Variants in AGRN observed in about 807,000 individuals in gnomAD.
The protein encoded by AGRN is agrin.
A neutral mutation model predicts 211.0 loss-of-function variants in AGRN; 106 were observed. The observed-to-expected ratio is 0.50, with a 90% CI of 0.43 to 0.59. AGRN has a LOEUF of 0.59. Among genes scored for constraint, AGRN ranks in the 20% least tolerant of loss-of-function variants. The probability of loss-of-function intolerance (pLI) is 0.00; values close to 1 mark genes in which losing one functional copy is unlikely to be tolerated. For synonymous variants in AGRN, 1,525 were observed against 1,332.5 expected (o/e 1.14, Z -3.15); for missense variants, 3,040 against 2,982.6 (o/e 1.02, Z -0.45).
rs769184314 is a variant in AGRN, at chr1:1,041,972, C to G, written c.1194C>G (p.Pro398=). ...GCGTCCTAGACCAGTGCCCGGAGCC[C>G]TGCCGGTTCAATGCCGTGTGCCTGT... ...QCQGRDQCPE[P]CRFNAVCLSR... Residue 398 remains proline (P), a synonymous_variant, in exon 7 of 36, where the codon CCC becomes CCG. Transcript: ENST00000379370. The G allele has an allele frequency of 6.2e-7, 1 of 1,611,868 alleles. No individual in the cohort carries two copies. Among genetic ancestry groups the G allele is most frequent in the South Asian group, 1.1e-5 (1 of 91,072 alleles).
chr1:1,047,666 G>A lies in AGRN; in HGVS notation c.3610G>A (p.Val1204Met), dbSNP rs1346738884. Residue 1204 changes from valine to methionine, a missense_variant, in exon 21 of 36, where the codon GTG (valine) becomes ATG (methionine). Around this residue, in one of 3 missense-constraint regions of AGRN, gnomAD observed 1,537 missense variants for 1,505.0 expected, o/e 1.02. Coordinates refer to ENST00000379370, the MANE Select transcript of AGRN (RefSeq NM_198576.4). ...LGPGKSVRAI[V>M]DVHFDPTTAF... ...GCCCGGCAAATCCGTCCGCGCCATT[G>A]TGGATGTGCACTTTGACCCCAGTGA... 2 of 1,613,104 alleles carry A rather than the reference G, an allele frequency of 1.2e-6. No individual in the cohort carries two copies. The highest frequency in any genetic ancestry group is 8.5e-7 in the Non-Finnish European group (1 of 1,180,018).
Position 1,048,225 on chromosome 1 carries a change from G to A in AGRN, c.3965G>A (p.Arg1322Gln), listed in dbSNP as rs1476141378. ...GCCCCCAGCCGTGTGCCCGGACGTC[G>A]GCCCCCGGCCCCCCAGCAGCCTCCA... ...TTAPSRVPGRRPPAPQQPPKP... is the reference protein window; with the variant it reads ...TTAPSRVPGRQPPAPQQPPKP... Residue 1322 changes from arginine (R) to glutamine (Q), a missense_variant, in exon 23 of 36, where the codon CGG (arginine) becomes CAG (glutamine). Physicochemically the swap from Arg to Gln is conservative, Grantham distance 43 (BLOSUM62 1). Coordinates refer to ENST00000379370, the MANE Select transcript of AGRN (RefSeq NM_198576.4). The surrounding 1 kb of genome is among the most constrained non-coding windows in gnomAD (Gnocchi z 5.9). 12 of 1,545,076 alleles carry A rather than the reference G, an allele frequency of 7.8e-6. No individual in the cohort carries two copies. The highest frequency in any genetic ancestry group is 3.9e-5 in the Admixed American group (2 of 51,716).
chr1:1,024,365 A>G (rs1644473571), intron 2 of AGRN, among the ~76,000 whole-genome samples: 1 of 151,908 alleles, frequency 6.6e-6, no homozygotes, highest in Admixed American at 6.5e-5. Context: ...AAGGACATTG[A>G]ACCCCACCCT....
chr1:1,042,030 C>A lies in AGRN; in HGVS notation c.1252C>A (p.Arg418Ser). The A allele has an allele frequency of 6.2e-7, 1 of 1,610,314 alleles. No individual in the cohort carries two copies. The highest frequency in any genetic ancestry group is 8.5e-7 in the Non-Finnish European group (1 of 1,179,634). Residue 418 changes from arginine to serine, a missense_variant, in exon 7 of 36, where the codon CGC becomes AGC. By Grantham distance (110) the Arg-to-Ser change is moderately radical (BLOSUM62 -1). Around this residue, in one of 3 missense-constraint regions of AGRN, gnomAD observed 1,498 missense variants for 1,457.8 expected, o/e 1.03. Coordinates refer to ENST00000379370, the MANE Select transcript of AGRN (RefSeq NM_198576.4). ...RRGRPRCSCD[R>S]VTCDGAYRPV... is the part of the protein sequence containing the mutation. ...TGGCCGTCCCCGCTGCTCCTGCGAC[C>A]GCGTCACCTGTGACGGGGCCTACAG...
Position 1,043,338 on chromosome 1 carries a change from C to A in AGRN, c.1484C>A (p.Ser495Ter). The A allele has an allele frequency of 1.2e-6, 2 of 1,604,792 alleles. No individual in the cohort carries two copies. The highest frequency in any genetic ancestry group is 2.3e-5 in the East Asian group (1 of 44,278). Reference sequence around the variant, plus strand: ...GCGTGTGAATGCCTGCAGGCGTGCTCGAGCCTCTACGATCCTGTGTGCGGC... The same window carrying A: ...GCGTGTGAATGCCTGCAGGCGTGCTAGAGCCTCTACGATCCTGTGTGCGGC... ...QAACECLQAC[S>*]SLYDPVCGSD... The change falls in exon 8 of 36, where the codon TCG becomes TAG. Residue 495 changes from serine (S) to a stop codon, truncating the protein, a stop_gained. Transcript: ENST00000379370. LOFTEE classifies it high-confidence loss of function.
Position 1,054,482 on chromosome 1 carries a change from G to T in AGRN, c.5911G>T (p.Glu1971Ter). The T allele has an allele frequency of 6.2e-7, 1 of 1,601,454 alleles. No homozygotes were observed. The highest frequency in any genetic ancestry group is 2.3e-5 in the East Asian group (1 of 44,420). ...GGAAGGTTCCCTGCAGGTGGGCAATGAGGCCCCTGTGACCGGCTCCTCCCC... is the reference window on the plus strand; with the variant it reads ...GGAAGGTTCCCTGCAGGTGGGCAATTAGGCCCCTGTGACCGGCTCCTCCCC... ...QREGSLQVGNEAPVTGSSPLG... is the reference protein window; with the variant it reads ...QREGSLQVGN Residue 1971 changes from glutamate (E) to a stop codon, truncating the protein, a stop_gained, in exon 35 of 36, where the codon GAG becomes TAG. Coordinates refer to ENST00000379370, the MANE Select transcript of AGRN (RefSeq NM_198576.4). LOFTEE classifies it high-confidence loss of function.
chr1:1,021,928 G>A (rs1273793655), intron 1 of AGRN, among the ~76,000 whole-genome samples: 4 of 152,244 alleles, frequency 2.6e-5, no homozygotes, highest in South Asian at 2.1e-4. Context: ...TAGCTGATAG[G>A]GACGTTATTG....
intron 33 of AGRN, chr1:1,052,419 G>T (rs1015642171): frequency 6.5e-6 from 2 of 310,020 alleles, no homozygotes; most frequent in East Asian, 9.0e-5. Flanking sequence ...ATATGTGGGG[G>T]GGACATGTAG....
In AGRN at chr1:1,049,928, C is replaced by T. The variant is rs1401089528; in HGVS notation, c.4770C>T (p.Ser1590=). Residue 1590 remains serine (S), a synonymous_variant, in exon 27 of 36, where the codon AGC becomes AGT. Coordinates refer to ENST00000379370, the MANE Select transcript of AGRN (RefSeq NM_198576.4). ...GACCAACCTGTGCCGATGAGAAGAG[C>T]CCCTGCCAGCCCAACCCCTGCCATG... is the stretch of plus-strand genomic sequence containing the variant. ...RVGPTCADEK[S]PCQPNPCHGA... The T allele has an allele frequency of 1.9e-6, 3 of 1,611,766 alleles. No homozygotes were observed. Among genetic ancestry groups the T allele is most frequent in the African/African-American group, 1.3e-5 (1 of 74,910 alleles).
At position 1,022,389 on chromosome 1, in the gene AGRN, C is replaced by T. The variant is rs1204902840; in HGVS notation, c.390C>T (p.Asn130=). ...APPYLWPAHK[N]ELMLNSSLMR... ...CATACCTGTGGCCAGCCCACAAGAA[C>T]GAGCTGATGCTCAACTCCAGCCTCA... The change falls in exon 2 of 36, where the codon AAC becomes AAT. Residue 130 remains asparagine (N), a synonymous_variant. Coordinates refer to ENST00000379370, the MANE Select transcript of AGRN (RefSeq NM_198576.4). 9 of 1,613,406 alleles carry T rather than the reference C, an allele frequency of 5.6e-6. No individual in the cohort carries two copies. Among genetic ancestry groups the T allele is most frequent in the South Asian group, 2.2e-5 (2 of 91,086 alleles).
intron 34 of AGRN, 66 bp from the exon 35 acceptor site, chr1:1,054,382 C>A (rs1645395292): frequency 7.2e-7 from 1 of 1,393,848 alleles, no homozygotes; most frequent in Non-Finnish European, 1.0e-6. Flanking sequence ...GGATGCAGGG[C>A]TTATGGTCTA....
chr1:1,041,322 C>T lies in AGRN; in HGVS notation c.877C>T (p.Pro293Ser), dbSNP rs915185971. The T allele has an allele frequency of 6.6e-7, 1 of 1,525,272 alleles. No individual in the cohort carries two copies. Among genetic ancestry groups the T allele is most frequent in the African/African-American group, 1.4e-5 (1 of 71,584 alleles). 94.5% of individuals were successfully genotyped at this position (1,525,272 alleles called of 1,614,324 possible). ...TVCGSDGADY[P>S]GECQLLRRAC... is the part of the protein sequence containing the mutation. ...CTGCGGCAGCGACGGCGCCGACTAC[C>T]CCGGCGAGTGCCAGCTCCTGCGCCG... The change falls in exon 5 of 36, where the codon CCC (proline) becomes TCC (serine). Residue 293 changes from proline to serine, a missense_variant. Around this residue, in one of 3 missense-constraint regions of AGRN, gnomAD observed 1,498 missense variants for 1,457.8 expected, o/e 1.03. Transcript: ENST00000379370.
chr1:1,035,397 T>A, intron 3 of AGRN, 73 bp downstream of exon 3: 2 of 1,570,754 alleles, frequency 1.3e-6, no homozygotes, highest in South Asian at 2.2e-5. Context: ...TTTGGAGGTG[T>A]GCACCCAGAC....
chr1:1,050,998 C>G, intron 30 of AGRN, 161 bp downstream of exon 30: 1 of 1,550,158 alleles, frequency 6.5e-7, no homozygotes, highest in Non-Finnish European at 8.7e-7. Flanking sequence ...TCTCTGCTCT[C>G]GCTCTGCAAC....
intron 1 of AGRN, among the ~76,000 whole-genome samples, chr1:1,020,980 C>G (rs1397835459): frequency 6.6e-6 from 1 of 152,002 alleles, no homozygotes; most frequent in Non-Finnish European, 1.5e-5. Context: ...GGAAGTTTCC[C>G]TGGTTTCTCC....
intron 33 of AGRN, chr1:1,052,124 G>A: frequency 4.6e-6 from 6 of 1,300,046 alleles, no homozygotes; most frequent in Non-Finnish European, 6.2e-6. Flanking sequence ...CCTTGTGGCG[G>A]AGGATGGGGG....
rs765077103 is a variant in AGRN at position 1,050,817 on chromosome 1, C to T, written c.5233C>T (p.Arg1745Cys). 8.2e-6 allele frequency: 13 copies of T among 1,587,600 alleles called. No homozygotes were observed. The highest frequency in any genetic ancestry group is 4.6e-5 in the East Asian group (2 of 43,948). Reference protein sequence around the residue: ...KGALRVGDGPRVLGESPVPHT... With the variant: ...KGALRVGDGPCVLGESPVPHT... Reference sequence around the variant, plus strand: ...TGCCCTGCGTGTGGGCGACGGCCCCCGTGTGTTGGGGGAGTCCCCGGTGAG... The same window carrying T: ...TGCCCTGCGTGTGGGCGACGGCCCCTGTGTGTTGGGGGAGTCCCCGGTGAG... The change falls in exon 30 of 36, where the codon CGT (arginine) becomes TGT (cysteine). Residue 1745 changes from arginine to cysteine, a missense_variant. Coordinates refer to ENST00000379370, the MANE Select transcript of AGRN (RefSeq NM_198576.4).
chr1:1,047,300 C>G (rs749786454), intron 19 of AGRN, 27 bp from the exon 20 acceptor site: 14 of 1,576,182 alleles, frequency 8.9e-6, no homozygotes, highest in Non-Finnish European at 1.1e-5. Flanking sequence ...AGATGCCAGG[C>G]AGGGCCTCAC....
At chr1:1,034,044 C>T in intron 2 of AGRN, 3 of 867,064 alleles carry the variant, frequency 3.5e-6, no homozygotes, top group Non-Finnish European at 2.8e-6. Context: ...GAGCCCGGGA[C>T]CCGGCGCGGC....
Sources: gnomAD v4.1 joint callset for allele counts (sites outside exome capture counted in the v4.1 genomes callset) on GRCh38, gnomAD v4.1.1 for gene constraint, gnomAD v4.1.1 regional missense constraint, Gnocchi (gnomAD v3.1) non-coding constraint, MANE v1.5 for transcripts, NCBI Gene and HGNC (gene_info 2026-07-23, HGNC 2026-07-21) for gene names.